Variants in BAZ2B observed in about 807,000 individuals in gnomAD.
BAZ2B encodes bromodomain adjacent to zinc finger domain 2B.
In BAZ2B, 91 loss-of-function variants were observed where a neutral mutation model predicts 246.0. The ratio of observed to expected loss-of-function variants is 0.37; its 90% CI spans 0.31 to 0.44. The LOEUF is 0.44. BAZ2B is among the 20% of genes least tolerant of loss of function. The pLI is 1.00. For synonymous variants in BAZ2B, 855 were observed against 860.0 expected (o/e 0.99, Z 0.10); for missense variants, 2,332 against 2,533.7 (o/e 0.92, Z 1.71).
At chr2:159,650,679 C>G in the BAZ2B span, among the ~76,000 whole-genome samples, 3 of 152,094 alleles carry the variant, frequency 2.0e-5, no homozygotes, top group Admixed American at 6.6e-5. Flanking sequence ...CTTGTAGTGA[C>G]TCTCACCACT....
chr2:159,333,975 T>A (rs1220176827), intron 33 of BAZ2B, among the ~76,000 whole-genome samples: 1 of 152,146 alleles, frequency 6.6e-6, no homozygotes. Context: ...CATCACTGAA[T>A]ACCTTAAGAT....
At chr2:159,364,749 C>T (rs1298195389) in intron 27 of BAZ2B, among the ~76,000 whole-genome samples, 1 of 152,194 alleles carries the variant, frequency 6.6e-6, no homozygotes, top group East Asian at 1.9e-4. Context: ...CCCACCTGTA[C>T]TTACAAGGTC....
At chr2:159,661,211 T>C in the BAZ2B span, among the ~76,000 whole-genome samples, 2 of 152,204 alleles carry the variant, frequency 1.3e-5, no homozygotes, top group South Asian at 2.1e-4. Flanking sequence ...CCTTTTTGTG[T>C]GGGTTGCTTC....
In BAZ2B at chr2:159,408,810, C is replaced by A. The variant is rs2066365922; in HGVS notation, c.2677+3525G>T. Among the ~76,000 whole-genome samples the A allele has an allele frequency of 2.0e-5, 3 of 152,258 alleles. No individual in the cohort carries two copies. The South Asian group carries it at 6.2e-4, about 32-fold the overall frequency. ...TGGTGGGTGCCTGTAATCCCAGCTA[C>A]TCAGGAGGCTGAGGCAGGAGAATCG... On this transcript the variant is annotated intron_variant, in intron 14 of 36. Transcript: ENST00000392783.
intron 13 of BAZ2B, among the ~76,000 whole-genome samples, chr2:159,422,076 GC>G (rs1393767808): frequency 1.3e-5 from 2 of 152,132 alleles, no homozygotes; most frequent in African/African-American, 4.8e-5. Flanking sequence ...ACAAAACACT[GC>G]TGAAAGCAAT....
intron 24 of BAZ2B, 56 bp from the exon 25 acceptor site, chr2:159,382,858 T>C (rs1051302621): frequency 1.3e-6 from 2 of 1,572,556 alleles, no homozygotes; most frequent in African/African-American, 1.4e-5. Context: ...AATATACTTT[T>C]AAAAGAGCAA....
At chr2:159,554,197 T>A (rs1181856711) in intron 2 of BAZ2B, among the ~76,000 whole-genome samples, 1 of 152,196 alleles carries the variant, frequency 6.6e-6, no homozygotes, top group East Asian at 1.9e-4. Flanking sequence ...CAGTTGCAAT[T>A]AATTACTCTC....
intron 2 of BAZ2B, among the ~76,000 whole-genome samples, chr2:159,547,725 G>A (rs1447572772): frequency 6.6e-6 from 1 of 152,068 alleles, no homozygotes; most frequent in Non-Finnish European, 1.5e-5. Flanking sequence ...CAGAAAACTG[G>A]TTTTTATTTT....
At chr2:159,579,993 C>A (rs1036613088) in intron 1 of BAZ2B, among the ~76,000 whole-genome samples, 8 of 152,152 alleles carry the variant, frequency 5.3e-5, no homozygotes, top group Non-Finnish European at 8.8e-5. Flanking sequence ...GAAGCATTCC[C>A]TTTGAAAACT....
chr2:159,385,396 T>C (rs755302707), intron 22 of BAZ2B, 27 bp from the exon 23 acceptor site: 50 of 1,573,236 alleles, frequency 3.2e-5, no homozygotes, highest in South Asian at 1.0e-4. Context: ...TTTTTATCAG[T>C]ATTACTCACA....
chr2:159,452,770 T>C (rs2075260042), intron 4 of BAZ2B, among the ~76,000 whole-genome samples: 2 of 152,184 alleles, frequency 1.3e-5, no homozygotes, highest in South Asian at 4.1e-4. Context: ...TCTTCTTCCA[T>C]GTAAGTGGTA....
At chr2:159,402,382 G>C (rs987265849) in intron 16 of BAZ2B, among the ~76,000 whole-genome samples, 1 of 152,106 alleles carries the variant, frequency 6.6e-6, no homozygotes, top group Non-Finnish European at 1.5e-5. Flanking sequence ...CCCAGGAGGC[G>C]GAGGCTGCAG....
At chr2:159,603,891 C>G (rs1692772860) in intron 1 of BAZ2B, among the ~76,000 whole-genome samples, 1 of 152,204 alleles carries the variant, frequency 6.6e-6, no homozygotes, top group African/African-American at 2.4e-5. Context: ...GTTCATGACA[C>G]TAACCTGCTG....
Position 159,428,295 on chromosome 2 carries a change from G to C in BAZ2B, c.2364+16C>G. The stretch of plus-strand genomic sequence containing the variant: ...AATAGGCACCAAATGTACATTATTT[G>C]GTGAAAAGTATGTACCTTTATTACT... On this transcript the variant is annotated intron_variant, in intron 12 of 36. Coordinates refer to ENST00000392783, the MANE Select transcript of BAZ2B (RefSeq NM_013450.4). 6.3e-7 allele frequency: 1 copy of C among 1,583,876 alleles called. No individual in the cohort carries two copies. Among genetic ancestry groups the C allele is most frequent in the Non-Finnish European group, 8.6e-7 (1 of 1,156,592 alleles).
At chr2:159,477,469 C>G (rs1256438815) in intron 3 of BAZ2B, among the ~76,000 whole-genome samples, 3 of 151,678 alleles carry the variant, frequency 2.0e-5, no homozygotes, top group Non-Finnish European at 4.4e-5. Flanking sequence ...TCCTTTTTGT[C>G]ATTCCATTGA....
chr2:159,414,645 C>T (rs1269822648), intron 13 of BAZ2B, among the ~76,000 whole-genome samples: 1 of 151,852 alleles, frequency 6.6e-6, no homozygotes, highest in Non-Finnish European at 1.5e-5. Context: ...GGTGAAACCC[C>T]GTCTCTACTA....
the BAZ2B span, among the ~76,000 whole-genome samples, chr2:159,672,020 T>C: frequency 9.9e-5 from 15 of 152,216 alleles, no homozygotes; most frequent in African/African-American, 3.6e-4. Flanking sequence ...GTACATATTG[T>C]TATGTTATAT....
chr2:159,676,951 GTTATAT>G, the BAZ2B span, among the ~76,000 whole-genome samples: 1 of 24,416 alleles, frequency 4.1e-5, no homozygotes, highest in Non-Finnish European at 7.1e-5. Context: ...AAATAGTTTT[GTTATAT>G]ATATATATAT....
chr2:159,454,713 A>AG (rs1339846907), intron 3 of BAZ2B, among the ~76,000 whole-genome samples: 1 of 151,626 alleles, frequency 6.6e-6, no homozygotes, highest in African/African-American at 2.4e-5. Context: ...TAGTCTAATA[A>AG]AACAATGCAC....
Sources: gnomAD v4.1 joint callset for allele counts (sites outside exome capture counted in the v4.1 genomes callset) on GRCh38, gnomAD v4.1.1 for gene constraint, MANE v1.5 for transcripts, NCBI Gene and HGNC (gene_info 2026-07-23, HGNC 2026-07-21) for gene names.